The following STK32A variants were observed in gnomAD, a reference collection of about 807,000 sequenced individuals.
STK32A encodes serine/threonine-protein kinase 32A.
A neutral mutation model predicts 53.2 loss-of-function variants in STK32A; 41 were observed. That is an observed-to-expected ratio of 0.77 (90% CI 0.60 to 1.00). The LOEUF (loss-of-function observed/expected upper bound fraction) is 1.00. Among genes scored for constraint, STK32A ranks in the 50% least tolerant of loss-of-function variants. The probability of loss-of-function intolerance (pLI) is 0.00; values close to 1 mark genes in which losing one functional copy is unlikely to be tolerated. For synonymous variants in STK32A, 166 were observed against 162.8 expected, an observed-to-expected ratio of 1.02 and a Z score of -0.15; for missense variants, 458 against 485.8, an observed-to-expected ratio of 0.94 and a Z score of 0.54.
intron 11 of STK32A, among the ~76,000 whole-genome samples, chr5:147,382,626 T>C (rs1757497267): frequency 6.6e-6 from 1 of 152,174 alleles, no homozygotes; most frequent in South Asian, 2.1e-4. Context: ...TTATTATTGT[T>C]GTAAGCTGTC....
chr5:147,372,672 T>C (rs1757051717), intron 9 of STK32A, among the ~76,000 whole-genome samples: 1 of 152,154 alleles, frequency 6.6e-6, no homozygotes, highest in Admixed American at 6.6e-5. Flanking sequence ...ACAGTTACTT[T>C]AGTTACACCT....
chr5:147,309,023 T>C (rs1753562139), intron 4 of STK32A, among the ~76,000 whole-genome samples: 4 of 151,996 alleles, frequency 2.6e-5, no homozygotes, highest in African/African-American at 9.7e-5. Flanking sequence ...TATTTTAGGA[T>C]GTACATAGAC....
chr5:147,258,706 T>C (rs115907969), intron 2 of STK32A, among the ~76,000 whole-genome samples: 5,949 of 151,678 alleles, frequency 0.039, 161 homozygotes, highest in Middle Eastern at 0.099. Context: ...TTTAAGATAA[T>C]CATTCTTCTC....
intron 8 of STK32A, 117 bp downstream of exon 8, chr5:147,361,731 C>T: frequency 2.6e-6 from 2 of 774,062 alleles, no homozygotes; most frequent in Admixed American, 4.4e-5. Context: ...ATCAGCTATG[C>T]CATGTGATGT....
chr5:147,242,853 T>A (rs2151938803), intron 2 of STK32A, among the ~76,000 whole-genome samples: 1 of 152,306 alleles, frequency 6.6e-6, no homozygotes, highest in African/African-American at 2.4e-5. Context: ...ATTTGACTCT[T>A]CACATAAATC....
At chr5:147,240,263 A>G (rs1282247202) in intron 2 of STK32A, 1 of 152,452 alleles carries the variant, frequency 6.6e-6, no homozygotes, top group African/African-American at 2.4e-5. Context: ...GGCATGCTGG[A>G]ACTGGGCAAT....
chr5:147,361,462 A>AT (rs1208244418), intron 7 of STK32A, 55 bp from the exon 8 acceptor site: 2 of 1,174,992 alleles, frequency 1.7e-6, no homozygotes, highest in Admixed American at 1.9e-5. Context: ...TGTTGAGAAA[A>AT]TATAATACTA....
At chr5:147,278,224 C>T in intron 3 of STK32A, 45 bp downstream of exon 3, 1 of 1,500,216 alleles carries the variant, frequency 6.7e-7, no homozygotes, top group Non-Finnish European at 9.1e-7. Context: ...GGTTATGTAG[C>T]CCAGGGAACA....
At chr5:147,395,573 C>A in the STK32A span, 2 of 1,612,722 alleles carry the variant, frequency 1.2e-6, no homozygotes, top group African/African-American at 2.7e-5. Context: ...CAGGCTAAAT[C>A]CCGACTGATG....
At chr5:147,279,759 A>G (rs1260040980) in intron 4 of STK32A, among the ~76,000 whole-genome samples, 1 of 152,186 alleles carries the variant, frequency 6.6e-6, no homozygotes, top group Non-Finnish European at 1.5e-5. Context: ...TACACCAAAT[A>G]TGAATGTTCC....
At position 147,358,437 on chromosome 5, in the gene STK32A, A is replaced by G. The variant is rs192830066; in HGVS notation, c.563-3080A>G. 4.6e-5 allele frequency among the ~76,000 whole-genome samples: 7 copies of G among 152,230 alleles called. No individual in the cohort carries two copies. The East Asian group carries it at 1.4e-3, about 29-fold the overall frequency. ...CCAACAGTTCCCCTGCCAGGAATAC[A>G]CTCTAAAGAGATATGCACTTATAGG... is the stretch of plus-strand genomic sequence containing the variant. On this transcript the variant is annotated intron_variant, in intron 7 of 12. Transcript: ENST00000397936.
chr5:147,279,968 C>A (rs1453396935), intron 4 of STK32A, among the ~76,000 whole-genome samples: 5 of 152,116 alleles, frequency 3.3e-5, no homozygotes, highest in East Asian at 1.9e-4. Context: ...GAAAGAGAGA[C>A]CCTCCTCTCC....
downstream of STK32A, among the ~76,000 whole-genome samples, chr5:147,389,431 T>C (rs1253443549): frequency 6.6e-6 from 1 of 152,190 alleles, no homozygotes; most frequent in East Asian, 1.9e-4. Context: ...CGTGCTCTTC[T>C]GGCCACAGTG....
Position 147,271,364 on chromosome 5 carries a change from G to A in STK32A, c.53-6760G>A, listed in dbSNP as rs147259479. On this transcript the variant is annotated intron_variant, in intron 2 of 12. Transcript: ENST00000397936. ...TCCTGTCATCTCGTAAGCTGAGGAG[G>A]ATGTATTTTGCCTCAGGACCCTGTG... 4.2e-3 allele frequency among the ~76,000 whole-genome samples: 637 copies of A among 152,100 alleles called. 2 individuals are homozygous for A. The highest frequency in any genetic ancestry group is 0.01 in the African/African-American group (417 of 41,474).
At chr5:147,329,621 G>A (rs1207343068) in intron 5 of STK32A, among the ~76,000 whole-genome samples, 4 of 152,052 alleles carry the variant, frequency 2.6e-5, no homozygotes, top group Admixed American at 1.3e-4. Context: ...AGCGATGCAT[G>A]TGTGCCTGCA....
intron 1 of STK32A, among the ~76,000 whole-genome samples, chr5:147,239,254 ATAGTTGTTG>A (rs1753460498): frequency 6.6e-6 from 1 of 152,224 alleles, no homozygotes; most frequent in African/African-American, 2.4e-5. Context: ...TTTTCATTTT[ATAGTTGTTG>A]AATAAAGTAT....
intron 2 of STK32A, among the ~76,000 whole-genome samples, chr5:147,254,647 C>T (rs1754145673): frequency 6.6e-6 from 1 of 152,110 alleles, no homozygotes; most frequent in Non-Finnish European, 1.5e-5. Flanking sequence ...GTGTCGTTCC[C>T]CTATTGGCTA....
rs1753685649 is a variant in STK32A at position 147,311,362 on chromosome 5, A to ATT, written c.261-12535_261-12534insTT. The stretch of plus-strand genomic sequence containing the variant: ...TCTCAGCACCTTGCACAACATGAAT[A>ATT]TACAAAAAATATTTGTAAAATGACC... On this transcript the variant is annotated intron_variant, in intron 4 of 12. Coordinates refer to ENST00000397936, the MANE Select transcript of STK32A (RefSeq NM_001112724.2). Among the ~76,000 whole-genome samples the ATT allele has an allele frequency of 2.6e-5, 4 of 152,224 alleles. No individual in the cohort carries two copies. In the South Asian group the frequency reaches 8.3e-4, roughly 32 times the overall value.
In STK32A at chr5:147,373,268, A is replaced by C. The variant is rs753824303; in HGVS notation, c.877A>C (p.Arg293=). ...DINWDAVFQK[R]LIPGFIPNKG... ...AAACTGGGATGCAGTTTTTCAGAAG[A>C]GGCTCATTCCAGGTTTCATTCCTAA... is the stretch of plus-strand genomic sequence containing the variant. The change falls in exon 10 of 13, where the codon AGG becomes CGG. Residue 293 remains arginine, a synonymous_variant. Coordinates refer to ENST00000397936, the MANE Select transcript of STK32A (RefSeq NM_001112724.2). The C allele has an allele frequency of 6.2e-7, 1 of 1,613,394 alleles. No individual in the cohort carries two copies. The highest frequency in any genetic ancestry group is 8.5e-7 in the Non-Finnish European group (1 of 1,179,550).
Sources: gnomAD v4.1 joint callset for allele counts (sites outside exome capture counted in the v4.1 genomes callset) on GRCh38, gnomAD v4.1.1 for gene constraint, MANE v1.5 for transcripts, NCBI Gene and HGNC (gene_info 2026-07-23, HGNC 2026-07-21) for gene names.